Variants in OSBPL2 observed in about 807,000 individuals in gnomAD.
OSBPL2 encodes oxysterol binding protein like 2, also known as oxysterol-binding protein-related protein 2.
Under a neutral mutation model 58.4 loss-of-function variants are expected in OSBPL2, and 18 were observed. The ratio of observed to expected loss-of-function variants is 0.31; its 90% CI spans 0.21 to 0.46. The LOEUF is 0.46. Ranked by LOEUF, OSBPL2 falls within the 20% of genes least tolerant of loss-of-function variation. The pLI is 1.00. For missense variants in OSBPL2, 461 were observed against 616.5 expected, an observed-to-expected ratio of 0.75 and a Z score of 2.67; for synonymous variants, 221 against 234.1, an observed-to-expected ratio of 0.94 and a Z score of 0.51.
At chr20:62,262,885 C>T (rs1981409833) in intron 3 of OSBPL2, among the ~76,000 whole-genome samples, 1 of 152,164 alleles carries the variant, frequency 6.6e-6, no homozygotes, top group Non-Finnish European at 1.5e-5. Context: ...CGGGCCCCTA[C>T]TCTGCAGCAC....
chr20:62,241,144 G>A (rs181595384), intron 1 of OSBPL2, among the ~76,000 whole-genome samples: 83 of 152,190 alleles, frequency 5.5e-4, no homozygotes, highest in Middle Eastern at 3.4e-3. Context: ...CCTCTGTGCC[G>A]TCCAGGAGAT....
rs1601173424 is a variant in OSBPL2 at position 62,266,930 on chromosome 20, C to G, written c.258+3239C>G. ...TTGTTTGTGTCCCTCTGTCAGGAAGCCTTTTTGTTGCTCTTTCTCTGAATT... is the reference window on the plus strand; with the variant it reads ...TTGTTTGTGTCCCTCTGTCAGGAAGGCTTTTTGTTGCTCTTTCTCTGAATT... On this transcript the variant is annotated intron_variant, in intron 4 of 13. Transcript: ENST00000313733. Among the ~76,000 whole-genome samples, 5 of 152,316 alleles carry G rather than the reference C, an allele frequency of 3.3e-5. 1 individual carries two copies. In the South Asian group the frequency reaches 1.0e-3, roughly 32 times the overall value.
In OSBPL2 at chr20:62,294,003, G is replaced by C. The variant is rs746857825; in HGVS notation, c.*116G>C. On this transcript the variant is annotated 3_prime_UTR_variant, in exon 14 of 14. Coordinates refer to ENST00000313733, the MANE Select transcript of OSBPL2 (RefSeq NM_144498.4). The stretch of plus-strand genomic sequence containing the variant: ...AACTTTTCTAACGACTGAGTTCGCG[G>C]AGATAGCATCATCCCTGATCAAGGA... The C allele has an allele frequency of 2.2e-6, 3 of 1,345,158 alleles. No homozygotes were observed. In the African/African-American group the frequency reaches 4.4e-5, roughly 20 times the overall value. 83.3% of individuals were successfully genotyped at this position (1,345,158 alleles called of 1,614,324 possible). A position where few individuals can be genotyped will look rare whatever the true frequency, so the allele number is the denominator to read the frequency against.
rs1038586140 is a variant in OSBPL2, at chr20:62,263,204, G to C, written c.183-412G>C. Among the ~76,000 whole-genome samples, 7 of 152,322 alleles carry C rather than the reference G, an allele frequency of 4.6e-5. No homozygotes were observed. The East Asian group carries it at 1.4e-3, about 29-fold the overall frequency. On this transcript the variant is annotated intron_variant, in intron 3 of 13. Coordinates refer to ENST00000313733, the MANE Select transcript of OSBPL2 (RefSeq NM_144498.4). ...AAGCACGTGTTTAAAGGGCGGAACA[G>C]CTTTTAATTCAGGTCACTCTTGCTG...
intron 9 of OSBPL2, 137 bp downstream of exon 9, chr20:62,282,016 G>A: frequency 2.0e-6 from 1 of 505,350 alleles, no homozygotes; most frequent in Non-Finnish European, 3.7e-6. Flanking sequence ...TCATGGTCCA[G>A]AAGTATGACT....
chr20:62,277,272 A>G (rs1443524858), intron 6 of OSBPL2, among the ~76,000 whole-genome samples: 1 of 152,250 alleles, frequency 6.6e-6, no homozygotes, highest in East Asian at 1.9e-4. Context: ...AAAAAGAAAA[A>G]GATAAATCAG....
chr20:62,279,887 C>A, intron 7 of OSBPL2: 8 of 1,200,846 alleles, frequency 6.7e-6, no homozygotes, highest in Non-Finnish European at 8.7e-6. Flanking sequence ...CACACTCCCC[C>A]ACCCTGTGCT....
At chr20:62,252,492 C>A (rs778659570) in intron 1 of OSBPL2, among the ~76,000 whole-genome samples, 13 of 152,174 alleles carry the variant, frequency 8.5e-5, no homozygotes, top group Non-Finnish European at 1.8e-4. Flanking sequence ...CCTTTCTCCT[C>A]CCGGGCGCCT....
At position 62,272,242 on chromosome 20, in the gene OSBPL2, C is replaced by A; in HGVS notation, c.376C>A (p.Pro126Thr). ...LIHRASCQPQPLERMQSVAAF... is the reference protein window; with the variant it reads ...LIHRASCQPQTLERMQSVAAF... ...CCACAGGGCCTCCTGCCAGCCCCAG[C>A]CCCTGGAGAGGATGCAGGTGGGCCT... Residue 126 changes from proline (P) to threonine (T), a missense_variant, in exon 5 of 14, where the codon CCC becomes ACC. Physicochemically the swap from Pro to Thr is conservative, Grantham distance 38 (BLOSUM62 -1). Transcript: ENST00000313733. 1 of 1,613,436 alleles carries A rather than the reference C, an allele frequency of 6.2e-7. No individual in the cohort carries two copies. Among genetic ancestry groups the A allele is most frequent in the Non-Finnish European group, 8.5e-7 (1 of 1,179,854 alleles).
chr20:62,248,234 A>T (rs1980282479), intron 1 of OSBPL2, among the ~76,000 whole-genome samples: 1 of 140,288 alleles, frequency 7.1e-6, no homozygotes, highest in Non-Finnish European at 1.5e-5. Context: ...GGCTCATTGC[A>T]ACCTCTGCCT....
intron 12 of OSBPL2, 106 bp from the exon 13 acceptor site, chr20:62,291,597 T>C: frequency 1.1e-6 from 1 of 939,372 alleles, no homozygotes; most frequent in Non-Finnish European, 1.7e-6. Flanking sequence ...GTCTGTGGCA[T>C]TCCAGCCACA....
chr20:62,246,817 T>A (rs1221140979), intron 1 of OSBPL2, among the ~76,000 whole-genome samples: 1 of 152,190 alleles, frequency 6.6e-6, no homozygotes, highest in African/African-American at 2.4e-5. Context: ...TGTCCATGAT[T>A]TCATGTTCCC....
intron 8 of OSBPL2, 97 bp from the exon 9 acceptor site, chr20:62,281,693 G>T: frequency 1.2e-6 from 1 of 848,604 alleles, no homozygotes; most frequent in South Asian, 1.4e-5. Context: ...CCCCCCGCCT[G>T]CCCCAGGGGC....
rs988062994 is a variant in OSBPL2 at position 62,286,844 on chromosome 20, CAG to C, written c.1125+134_1125+135del. 1.0e-5 allele frequency: 11 copies of C among 1,053,310 alleles called. No homozygotes were observed. The African/African-American group carries it at 1.1e-4, about 11-fold the overall frequency. 65.2% of individuals were successfully genotyped at this position (1,053,310 alleles called of 1,614,324 possible). A position where few individuals can be genotyped will look rare whatever the true frequency, so the allele number is the denominator to read the frequency against. On this transcript the variant is annotated intron_variant, in intron 11 of 13. Coordinates refer to ENST00000313733, the MANE Select transcript of OSBPL2 (RefSeq NM_144498.4). ...CCTCAGCCTGTTGTCCCAGAGCAGA[CAG>C]GGGCCTCCGCCATTGTCGGAGTGGC... is the stretch of plus-strand genomic sequence containing the variant.
intron 2 of OSBPL2, among the ~76,000 whole-genome samples, chr20:62,257,710 T>C (rs1228504333): frequency 6.7e-6 from 1 of 149,522 alleles, no homozygotes; most frequent in Non-Finnish European, 1.5e-5. Context: ...CGAATACCTC[T>C]GGCCATTTTT....
chr20:62,272,688 G>A (rs1982140980), intron 5 of OSBPL2, among the ~76,000 whole-genome samples: 1 of 152,220 alleles, frequency 6.6e-6, no homozygotes, highest in South Asian at 2.1e-4. Flanking sequence ...TGCTCCTGGA[G>A]GTTGAGACCA....
At chr20:62,261,561 C>G (rs1454221433) in intron 3 of OSBPL2, among the ~76,000 whole-genome samples, 1 of 152,156 alleles carries the variant, frequency 6.6e-6, no homozygotes, top group Non-Finnish European at 1.5e-5. Context: ...CGTTCTCTCA[C>G]CCTACAGATA....
At chr20:62,287,861 G>C (rs1983232835) in intron 11 of OSBPL2, among the ~76,000 whole-genome samples, 1 of 152,164 alleles carries the variant, frequency 6.6e-6, no homozygotes, top group Non-Finnish European at 1.5e-5. Flanking sequence ...CTTTGGCTCA[G>C]CGTATGTGTT....
rs1343181001 is a variant in OSBPL2 at position 62,288,409 on chromosome 20, GTGGGTGCAGAGGCTGGGAGGCTA to G, written c.1126-775_1126-753del. Among the ~76,000 whole-genome samples, 13 of 145,088 alleles carry G rather than the reference GTGGGTGCAGAGGCTGGGAGGCTA, an allele frequency of 9.0e-5. No individual in the cohort carries two copies. Among genetic ancestry groups the G allele is most frequent in the South Asian group, 2.1e-4 (1 of 4,784 alleles). On this transcript the variant is annotated intron_variant, in intron 11 of 13. Transcript: ENST00000313733. The surrounding 1 kb of genome is among the most constrained non-coding windows in gnomAD (Gnocchi z 4.8). ...CTGTGGGTGCAGAGGCTGGGAGGCT[GTGGGTGCAGAGGCTGGGAGGCTA>G]TGGGTGCAGAGGCTGGGAGGCTGTG...
Sources: allele counts gnomAD v4.1 joint callset (sites outside exome capture counted in the v4.1 genomes callset), GRCh38; gene constraint gnomAD v4.1.1; non-coding constraint Gnocchi (gnomAD v3.1); transcripts MANE v1.5; gene names NCBI Gene and HGNC (gene_info 2026-07-23, HGNC 2026-07-21).